TLL1: variants seen among roughly 807,000 people sequenced by gnomAD.
TLL1 encodes the protein tolloid-like protein 1.
In TLL1, 49 loss-of-function variants were observed where a neutral mutation model predicts 128.2. That is an observed-to-expected ratio of 0.38 (90% CI 0.30 to 0.48). The LOEUF is 0.48. TLL1 is among the 20% of genes least tolerant of loss of function. TLL1 has a pLI of 0.96. For missense variants in TLL1, 1,123 were observed against 1,242.0 expected (o/e 0.90, Z 1.44); for synonymous variants, 454 against 418.8 (o/e 1.08, Z -1.03).
At chr4:166,022,058 G>A (rs1247822976) in intron 8 of TLL1, among the ~76,000 whole-genome samples, 2 of 152,044 alleles carry the variant, frequency 1.3e-5, no homozygotes, top group Admixed American at 1.3e-4. Flanking sequence ...TTGTATTTAT[G>A]ATATTTTAAA....
At chr4:165,929,493 C>T (rs1410233083) in intron 1 of TLL1, among the ~76,000 whole-genome samples, 6 of 150,308 alleles carry the variant, frequency 4.0e-5, no homozygotes, top group Middle Eastern at 3.4e-3. Flanking sequence ...GAGCCAAGAT[C>T]GTGCCACTGC....
chr4:165,885,269 A>C (rs575822078), intron 1 of TLL1, among the ~76,000 whole-genome samples: 1 of 152,082 alleles, frequency 6.6e-6, no homozygotes, highest in East Asian at 1.9e-4. Flanking sequence ...GAAATCTCTA[A>C]GGCTGTTCGA....
chr4:166,067,629 T>C (rs1331489981), intron 16 of TLL1, among the ~76,000 whole-genome samples: 1 of 151,746 alleles, frequency 6.6e-6, no homozygotes, highest in Non-Finnish European at 1.5e-5. Flanking sequence ...ACATGGATGA[T>C]TTCAGAAAAT....
chr4:166,082,822 C>A (rs567644012), intron 18 of TLL1, among the ~76,000 whole-genome samples: 1 of 151,974 alleles, frequency 6.6e-6, no homozygotes, highest in African/African-American at 2.4e-5. Context: ...GAATTACAGG[C>A]GCCTGCCACC....
At chr4:166,051,559 A>T (rs79088797) in intron 12 of TLL1, among the ~76,000 whole-genome samples, 7,554 of 152,146 alleles carry the variant, frequency 0.05, 240 homozygotes, top group African/African-American at 0.068. Flanking sequence ...AAATAAAGTA[A>T]CTCAAATATT....
chr4:165,919,612 A>G (rs1732945563), intron 1 of TLL1, among the ~76,000 whole-genome samples: 1 of 152,090 alleles, frequency 6.6e-6, no homozygotes. Context: ...GCTAACCTCC[A>G]AATGAATGGC....
intron 6 of TLL1, among the ~76,000 whole-genome samples, chr4:166,004,452 A>G (rs1301912189): frequency 6.6e-6 from 1 of 152,146 alleles, no homozygotes; most frequent in East Asian, 1.9e-4. Flanking sequence ...ACTGTCATGG[A>G]AAATACAAAG....
At chr4:165,902,958 G>C (rs1333609455) in intron 1 of TLL1, among the ~76,000 whole-genome samples, 5 of 152,164 alleles carry the variant, frequency 3.3e-5, no homozygotes, top group African/African-American at 7.2e-5. Flanking sequence ...CAACAACACT[G>C]TGCATAATTG....
chr4:166,067,425 G>A (rs185572029), intron 16 of TLL1, among the ~76,000 whole-genome samples: 6 of 151,752 alleles, frequency 4.0e-5, no homozygotes, highest in Middle Eastern at 6.8e-3. Flanking sequence ...TATAAGATAT[G>A]CTTCCTTAAT....
At chr4:166,036,761 T>A (rs1377953487) in intron 9 of TLL1, among the ~76,000 whole-genome samples, 1 of 151,234 alleles carries the variant, frequency 6.6e-6, no homozygotes, top group Non-Finnish European at 1.5e-5. Context: ...GTTAGAAAAA[T>A]TTTCTGCTTA....
intron 18 of TLL1, among the ~76,000 whole-genome samples, chr4:166,079,688 G>T (rs1160662727): frequency 6.6e-6 from 1 of 152,020 alleles, no homozygotes; most frequent in Non-Finnish European, 1.5e-5. Context: ...CATCTGTATT[G>T]TGGGGTCTGT....
intron 19 of TLL1, among the ~76,000 whole-genome samples, chr4:166,095,707 C>A (rs1741986164): frequency 6.6e-6 from 1 of 152,072 alleles, no homozygotes; most frequent in Non-Finnish European, 1.5e-5. Flanking sequence ...AGGAAATAAA[C>A]AAACCTGTCT....
intron 1 of TLL1, among the ~76,000 whole-genome samples, chr4:165,904,802 T>C (rs945584983): frequency 1.3e-5 from 2 of 152,142 alleles, no homozygotes; most frequent in Non-Finnish European, 2.9e-5. Flanking sequence ...AGTCTCAAAA[T>C]CTAATAAGAA....
chr4:165,878,574 A>ATT (rs141829774), intron 1 of TLL1, among the ~76,000 whole-genome samples: 7 of 150,558 alleles, frequency 4.6e-5, no homozygotes, highest in African/African-American at 1.7e-4. Flanking sequence ...AAAAAGATAG[A>ATT]TTTTTTTTTT....
intron 18 of TLL1, among the ~76,000 whole-genome samples, chr4:166,087,381 G>GA (rs1741572668): frequency 2.0e-5 from 3 of 152,058 alleles, no homozygotes; most frequent in African/African-American, 4.8e-5. Flanking sequence ...GACTCATGGA[G>GA]AAAAAAGGTT....
At chr4:165,983,661 G>C (rs1308735755) in intron 1 of TLL1, among the ~76,000 whole-genome samples, 1 of 151,824 alleles carries the variant, frequency 6.6e-6, no homozygotes, top group East Asian at 1.9e-4. Context: ...AATTGAAGAA[G>C]ACTGTGTTTA....
At chr4:166,094,029 T>C (rs1741903476) in intron 19 of TLL1, among the ~76,000 whole-genome samples, 1 of 152,134 alleles carries the variant, frequency 6.6e-6, no homozygotes, top group South Asian at 2.1e-4. Flanking sequence ...GAATTTCTTA[T>C]GTCTTCCCTT....
chr4:165,899,212 A>G (rs963213343), intron 1 of TLL1, among the ~76,000 whole-genome samples: 4 of 150,932 alleles, frequency 2.7e-5, no homozygotes, highest in African/African-American at 9.8e-5. Context: ...TTGTGTCTCT[A>G]TTTCCTTCAG....
intron 15 of TLL1, among the ~76,000 whole-genome samples, chr4:166,060,861 C>G (rs1171561953): frequency 6.6e-6 from 1 of 152,170 alleles, no homozygotes; most frequent in Admixed American, 6.6e-5. Flanking sequence ...GAAAAACATC[C>G]TTTGTGTGAT....
Sources: allele counts gnomAD v4.1 joint callset (sites outside exome capture counted in the v4.1 genomes callset), GRCh38; gene constraint gnomAD v4.1.1; transcripts MANE v1.5; gene names NCBI Gene and HGNC (gene_info 2026-07-23, HGNC 2026-07-21).